The following LRRTM1 variants were observed in gnomAD, a reference collection of about 807,000 sequenced individuals.
The protein encoded by LRRTM1 is leucine rich repeat transmembrane neuronal 1.
LRRTM1 carries 8 observed loss-of-function variants against 37.3 expected under a neutral mutation model. That is an observed-to-expected ratio of 0.21 (90% CI 0.13 to 0.39). The LOEUF is 0.39. Among genes scored for constraint, LRRTM1 ranks in the 10% least tolerant of loss-of-function variants. LRRTM1 has a pLI of 1.00. For missense variants in LRRTM1, 557 were observed against 691.0 expected, an observed-to-expected ratio of 0.81 and a Z score of 2.17; for synonymous variants, 326 against 316.8, an observed-to-expected ratio of 1.03 and a Z score of -0.31.
At chr2:80,292,099 G>A in intron 2 of LRRTM1, among the ~76,000 whole-genome samples, 1 of 152,254 alleles carries the variant, frequency 6.6e-6, no homozygotes, top group South Asian at 2.1e-4. Flanking sequence ...TTTGCAGGAT[G>A]ACAATCCTGG....
At chr2:80,295,699 T>C (rs966725614) in intron 2 of LRRTM1, among the ~76,000 whole-genome samples, 7 of 152,194 alleles carry the variant, frequency 4.6e-5, no homozygotes, top group Non-Finnish European at 1.0e-4. Flanking sequence ...AGTAAGATGA[T>C]TAACAGATGA....
At position 80,303,586 on chromosome 2, in the gene LRRTM1, C is replaced by G. The variant is rs375512125; in HGVS notation, c.234G>C (p.Ser78=). 8.1e-6 allele frequency: 13 copies of G among 1,614,162 alleles called. No individual in the cohort carries two copies. The highest frequency in any genetic ancestry group is 4.5e-5 in the East Asian group (2 of 44,864). Reference sequence around the variant, plus strand: ...CCGTGAACTGGCCGGCGCGCAGCTCCGAGAGGCTGTTGTAGCGCAGGGACA... The same window carrying G: ...CCGTGAACTGGCCGGCGCGCAGCTCGGAGAGGCTGTTGTAGCGCAGGGACA... ...LGLSLRYNSL[S]ELRAGQFTGL... The change falls in exon 2 of 2, where the codon TCG becomes TCC. Residue 78 remains serine, a synonymous_variant. Transcript: ENST00000295057. The surrounding 1 kb of genome is among the most constrained non-coding windows in gnomAD (Gnocchi z 7.7).
Position 80,302,388 on chromosome 2 carries a change from G to T in LRRTM1, c.1432C>A (p.His478Asn), listed in dbSNP as rs374753761. 1.2e-6 allele frequency: 2 copies of T among 1,614,142 alleles called. No individual in the cohort carries two copies. The highest frequency in any genetic ancestry group is 1.3e-5 in the African/African-American group (1 of 74,948). ...TGGGCAGACATGGCAGCCATCTGAT[G>T]CATGGTCTGTTTCTGCTTTTGCTTC... The part of the protein sequence containing the change: ...RRKQKQKQTM[H>N]QMAAMSAQEY... The change falls in exon 2 of 2, where the codon CAT becomes AAT. Residue 478 changes from histidine to asparagine, a missense_variant. Transcript: ENST00000295057. This position sits in a 1 kb window ranked among gnomAD's most constrained non-coding sequence, Gnocchi z 6.4.
chr2:80,293,877 G>C (rs1021810600), intron 2 of LRRTM1, among the ~76,000 whole-genome samples: 1 of 152,114 alleles, frequency 6.6e-6, no homozygotes, highest in Non-Finnish European at 1.5e-5. Context: ...GTCTCCTTTG[G>C]CAAAGAAAAG....
At chr2:80,298,757 T>G (rs534814610), downstream of LRRTM1, 1 of 152,374 alleles carries the variant, frequency 6.6e-6, no homozygotes, top group East Asian at 1.9e-4. Flanking sequence ...TTGAGAAAAC[T>G]ATTTCCTTTT....
chr2:80,301,512 AT>A (rs1198942390), downstream of LRRTM1, among the ~76,000 whole-genome samples: 197 of 152,320 alleles, frequency 1.3e-3, 8 homozygotes, highest in South Asian at 0.04. Flanking sequence ...ACTGTCTGGC[AT>A]TGCTTTTTAA....
chr2:80,291,199 T>C (rs935745789), intron 2 of LRRTM1, among the ~76,000 whole-genome samples: 2 of 152,366 alleles, frequency 1.3e-5, no homozygotes, highest in Admixed American at 6.5e-5. Flanking sequence ...AGTCTTTCCC[T>C]TGGGGGAAGT....
intron 2 of LRRTM1, among the ~76,000 whole-genome samples, chr2:80,292,999 G>A (rs1675399359): frequency 6.6e-6 from 1 of 152,152 alleles, no homozygotes; most frequent in Non-Finnish European, 1.5e-5. Context: ...GCAAAGCAGT[G>A]CTGCTGCATT....
downstream of LRRTM1, among the ~76,000 whole-genome samples, chr2:80,297,066 C>T (rs189079186): frequency 3.2e-4 from 48 of 152,276 alleles, no homozygotes; most frequent in East Asian, 6.6e-3. Context: ...CCTGGAACCC[C>T]GGAGAAGTCT....
chr2:80,302,125 C>A lies in LRRTM1; in HGVS notation c.*126G>T. The A allele has an allele frequency of 8.2e-7, 1 of 1,216,198 alleles. No individual in the cohort carries two copies. 75.3% of individuals were successfully genotyped at this position (1,216,198 alleles called of 1,614,324 possible). On this transcript the variant is annotated 3_prime_UTR_variant, in exon 2 of 2. Transcript: ENST00000295057. This position sits in a 1 kb window ranked among gnomAD's most constrained non-coding sequence, Gnocchi z 6.4. ...AAATGTCAAGTCTCTGGGAGAGATC[C>A]CCTTAAAGTTTCAGTCAAGGAGCAT...
At chr2:80,289,603 G>T (rs1395934738) in intron 2 of LRRTM1, among the ~76,000 whole-genome samples, 1 of 152,112 alleles carries the variant, frequency 6.6e-6, no homozygotes, top group Non-Finnish European at 1.5e-5. Context: ...TGCTGATTGA[G>T]AATCTACTAT....
chr2:80,300,422 C>A (rs1273423821), downstream of LRRTM1, among the ~76,000 whole-genome samples: 1 of 151,820 alleles, frequency 6.6e-6, no homozygotes, highest in African/African-American at 2.4e-5. Flanking sequence ...TATTTTTAGG[C>A]ATACTGGTTT....
chr2:80,302,964 G>T lies in LRRTM1; in HGVS notation c.856C>A (p.Gln286Lys), dbSNP rs1390871618. 3.1e-6 allele frequency: 5 copies of T among 1,613,866 alleles called. No homozygotes were observed. The highest frequency in any genetic ancestry group is 4.2e-6 in the Non-Finnish European group (5 of 1,180,002). ...TAGGTGAGGCGGTTGGAGTCCAGCT[G>T]CAGGGACTGCAGGTGCGGCACGGTC... ...FETVPHLQSL[Q>K]LDSNRLTYIE... The change falls in exon 2 of 2, where the codon CAG becomes AAG. Residue 286 changes from glutamine to lysine, a missense_variant. Physicochemically the swap from Gln to Lys is moderately conservative, Grantham distance 53 (BLOSUM62 1). This residue lies in a region of LRRTM1 where 200 missense variants were observed against 249.9 expected (regional missense o/e 0.80). Coordinates refer to ENST00000295057, the MANE Select transcript of LRRTM1 (RefSeq NM_178839.5). The surrounding 1 kb of genome is among the most constrained non-coding windows in gnomAD (Gnocchi z 6.4).
At chr2:80,295,822 C>A (rs1675691465) in intron 2 of LRRTM1, among the ~76,000 whole-genome samples, 1 of 152,196 alleles carries the variant, frequency 6.6e-6, no homozygotes, top group Non-Finnish European at 1.5e-5. Flanking sequence ...TTATGATTAA[C>A]CAGAACCAAA....
intron 2 of LRRTM1, among the ~76,000 whole-genome samples, chr2:80,290,916 G>A (rs529774667): frequency 2.4e-4 from 36 of 152,146 alleles, no homozygotes; most frequent in African/African-American, 8.7e-4. Flanking sequence ...CTAAACTGAC[G>A]ATGTCCTCAA....
rs559943640 is a variant in LRRTM1, at chr2:80,294,730, G to A, written c.*307-5535C>T. ...AATCTGTTGAGGGTGGGGTCCAGGA[G>A]TCAGTATTTATTGAGGCTCCCAAGT... On this transcript the variant is annotated intron_variant and NMD_transcript_variant, in intron 2 of 2. Coordinates refer to the LRRTM1 transcript ENST00000417012. 3.3e-5 allele frequency among the ~76,000 whole-genome samples: 5 copies of A among 152,304 alleles called. No homozygotes were observed. In the South Asian group the frequency reaches 1.0e-3, roughly 32 times the overall value.
At chr2:80,288,946 T>C (rs1159120691) in exon 3 of LRRTM1, 1 of 152,190 alleles carries the variant, frequency 6.6e-6, no homozygotes, top group South Asian at 2.1e-4. Context: ...CCAAGAACAC[T>C]GTTTCTCATG....
At chr2:80,296,272 AG>A (rs1675735767) in intron 2 of LRRTM1, among the ~76,000 whole-genome samples, 1 of 152,188 alleles carries the variant, frequency 6.6e-6, no homozygotes. Context: ...AAGAAGGCAC[AG>A]GCTGGTGGGT....
At chr2:80,289,987 C>A (rs4522631) in intron 2 of LRRTM1, among the ~76,000 whole-genome samples, 1,905 of 152,230 alleles carry the variant, frequency 0.013, 40 homozygotes, top group African/African-American at 0.041. Context: ...AGGGGCCAAC[C>A]ACAGAGCTTG....
Sources: allele counts gnomAD v4.1 joint callset (sites outside exome capture counted in the v4.1 genomes callset), GRCh38; gene constraint gnomAD v4.1.1; regional missense constraint gnomAD v4.1.1; non-coding constraint Gnocchi (gnomAD v3.1); transcripts MANE v1.5; gene names NCBI Gene and HGNC (gene_info 2026-07-23, HGNC 2026-07-21).